The following ZDHHC2 variants were observed in gnomAD, a reference collection of about 807,000 sequenced individuals.
The protein encoded by ZDHHC2 is palmitoyltransferase ZDHHC2.
ZDHHC2 carries 51 observed loss-of-function variants against 55.6 expected under a neutral mutation model. The ratio of observed to expected loss-of-function variants is 0.92; its 90% CI spans 0.73 to 1.16. The LOEUF (loss-of-function observed/expected upper bound fraction) is 1.16. Ranked by LOEUF, ZDHHC2 falls within the 50% of genes most tolerant of loss-of-function variation. The pLI, the probability that ZDHHC2 is intolerant of heterozygous loss-of-function variation, is 0.00. For missense variants in ZDHHC2, 491 were observed against 442.4 expected (o/e 1.11, Z -0.99); for synonymous variants, 199 against 152.9 (o/e 1.30, Z -2.22).
chr8:17,207,763 AT>A (rs1807174313), intron 7 of ZDHHC2, among the ~76,000 whole-genome samples, 196 bp from the exon 8 acceptor site: 1 of 152,190 alleles, frequency 6.6e-6, no homozygotes, highest in East Asian at 1.9e-4. Flanking sequence ...TTTCATATAT[AT>A]TCATATTCTC....
chr8:17,163,668 A>G (rs201540113), intron 1 of ZDHHC2, among the ~76,000 whole-genome samples: 8 of 152,134 alleles, frequency 5.3e-5, no homozygotes, highest in Non-Finnish European at 1.2e-4. Context: ...TGGTGTATTC[A>G]TGGGTCCCCT....
At position 17,156,618 on chromosome 8, in the gene ZDHHC2, C is replaced by A; in HGVS notation, c.-106C>A. Reference sequence around the variant, plus strand: ...CGGCAGTGGCCGCAGCGCACCCCGCCGCCGCCCAGGAGCCCGTCCAGCCAG... The same window carrying A: ...CGGCAGTGGCCGCAGCGCACCCCGCAGCCGCCCAGGAGCCCGTCCAGCCAG... On this transcript the variant is annotated 5_prime_UTR_variant, in exon 1 of 13. Transcript: ENST00000262096. 6.5e-6 allele frequency: 6 copies of A among 930,138 alleles called. No homozygotes were observed. Among genetic ancestry groups the A allele is most frequent in the Non-Finnish European group, 7.8e-6 (6 of 765,176 alleles). 57.6% of individuals were successfully genotyped at this position (930,138 alleles called of 1,614,324 possible).
Position 17,193,143 on chromosome 8 carries a change from T to G in ZDHHC2, c.253-2361T>G, listed in dbSNP as rs570890458. On this transcript the variant is annotated intron_variant, in intron 3 of 12. Coordinates refer to ENST00000262096, the MANE Select transcript of ZDHHC2 (RefSeq NM_016353.5). The stretch of plus-strand genomic sequence containing the variant: ...TTTTTACTCAGGATAGTTTTGGCTA[T>G]TCTGGGTCTTTTGTGATTCCATATA... Among the ~76,000 whole-genome samples the G allele has an allele frequency of 3.9e-5, 6 of 152,346 alleles. No homozygotes were observed. The East Asian group carries it at 1.2e-3, about 29-fold the overall frequency.
At chr8:17,187,948 A>G (rs1805801350) in intron 3 of ZDHHC2, among the ~76,000 whole-genome samples, 1 of 152,192 alleles carries the variant, frequency 6.6e-6, no homozygotes, top group African/African-American at 2.4e-5. Flanking sequence ...TTCTTATGTC[A>G]GTTAATGGGC....
intron 1 of ZDHHC2, among the ~76,000 whole-genome samples, chr8:17,174,622 C>T (rs1418357194): frequency 1.3e-5 from 2 of 151,928 alleles, no homozygotes; most frequent in African/African-American, 2.4e-5. Context: ...TGGGTCATAA[C>T]CTACCCTTAA....
chr8:17,156,778 T>TA lies in ZDHHC2; in HGVS notation c.56dup (p.Tyr19Ter). ...SARRRCRRVL[Y>*]WIPVVFITLL... The stretch of plus-strand genomic sequence containing the variant: ...CAGGCGGCGGTGCCGGCGGGTGCTG[T>TA]ACTGGATCCCGGTGGTGTTCATCAC... The change falls in exon 1 of 13, where the codon TAC becomes TAAC. Residue 19 changes from tyrosine to a stop codon, truncating the protein, a stop_gained and frameshift_variant. Transcript: ENST00000262096. LOFTEE classifies it high-confidence loss of function. 1 of 1,518,784 alleles carries TA rather than the reference T, an allele frequency of 6.6e-7. No homozygotes were observed. The highest frequency in any genetic ancestry group is 8.8e-7 in the Non-Finnish European group (1 of 1,132,234). 94.1% of individuals were successfully genotyped at this position (1,518,784 alleles called of 1,614,324 possible). A position where few individuals can be genotyped will look rare whatever the true frequency, so the allele number is the denominator to read the frequency against.
chr8:17,200,130 C>T (rs1444082979), intron 6 of ZDHHC2, among the ~76,000 whole-genome samples: 1 of 152,154 alleles, frequency 6.6e-6, no homozygotes, highest in African/African-American at 2.4e-5. Flanking sequence ...CCTGTATCCC[C>T]ATGACCCACC....
chr8:17,157,649 A>T (rs146030533), intron 1 of ZDHHC2: 1 of 152,236 alleles, frequency 6.6e-6, no homozygotes, highest in Non-Finnish European at 1.5e-5. Context: ...AGGGAGTACA[A>T]TGATGTCGCT....
In ZDHHC2 at chr8:17,195,543, G is replaced by C; in HGVS notation, c.292G>C (p.Glu98Gln). The change falls in exon 4 of 13, where the codon GAG becomes CAG. Residue 98 changes from glutamate (E) to glutamine (Q), a missense_variant. Physicochemically the swap from Glu to Gln is conservative, Grantham distance 29. Transcript: ENST00000262096. ...TGCAGAGAAAGATTTGTTGGAGAGA[G>C]AGCCAAGAGGAGAAGCCCATCAGGA... The part of the protein sequence containing the change: ...SYAEKDLLER[E>Q]PRGEAHQEVL... 1.2e-6 allele frequency: 2 copies of C among 1,613,866 alleles called. No homozygotes were observed. The highest frequency in any genetic ancestry group is 1.7e-6 in the Non-Finnish European group (2 of 1,179,808).
intron 4 of ZDHHC2, among the ~76,000 whole-genome samples, chr8:17,196,963 T>C (rs1427664514): frequency 6.6e-6 from 1 of 152,216 alleles, no homozygotes; most frequent in African/African-American, 2.4e-5. Context: ...TGACTCACTT[T>C]AGAATCATAA....
intron 2 of ZDHHC2, among the ~76,000 whole-genome samples, chr8:17,185,340 T>G (rs1483954420): frequency 6.6e-6 from 1 of 152,126 alleles, no homozygotes; most frequent in African/African-American, 2.4e-5. Flanking sequence ...GAAGGAAGCA[T>G]TATCACCATA....
At chr8:17,188,930 C>G (rs73546436) in intron 3 of ZDHHC2, among the ~76,000 whole-genome samples, 3,006 of 152,152 alleles carry the variant, frequency 0.02, 110 homozygotes, top group African/African-American at 0.068. Context: ...TACTCTTTTT[C>G]TCTCGGACGC....
chr8:17,174,881 T>C (rs1805052484), intron 1 of ZDHHC2, among the ~76,000 whole-genome samples: 1 of 151,598 alleles, frequency 6.6e-6, no homozygotes, highest in African/African-American at 2.4e-5. Flanking sequence ...CAGCTAATTG[T>C]GGGGTTTTTT....
intron 3 of ZDHHC2, among the ~76,000 whole-genome samples, chr8:17,188,250 A>G (rs574287820): frequency 6.6e-6 from 1 of 152,230 alleles, no homozygotes; most frequent in African/African-American, 2.4e-5. Context: ...ACAAAACTTC[A>G]TCCAATACCC....
intron 3 of ZDHHC2, among the ~76,000 whole-genome samples, chr8:17,188,636 CATTT>C (rs890765407): frequency 6.6e-6 from 1 of 152,162 alleles, no homozygotes; most frequent in Non-Finnish European, 1.5e-5. Context: ...TATATACCTG[CATTT>C]ATTCCCTCGT....
intron 5 of ZDHHC2, among the ~76,000 whole-genome samples, chr8:17,198,078 G>A (rs993895882): frequency 1.3e-5 from 2 of 152,168 alleles, no homozygotes; most frequent in African/African-American, 4.8e-5. Context: ...ATCCGTTGCA[G>A]TTTTGTTCTT....
intron 6 of ZDHHC2, among the ~76,000 whole-genome samples, chr8:17,202,225 C>G (rs1032145671): frequency 6.6e-6 from 1 of 152,126 alleles, no homozygotes; most frequent in African/African-American, 2.4e-5. Context: ...TTGTTTGTCT[C>G]ATTTTATTTT....
At chr8:17,188,376 G>T (rs201713480) in intron 3 of ZDHHC2, among the ~76,000 whole-genome samples, 1 of 140,536 alleles carries the variant, frequency 7.1e-6, no homozygotes, top group Non-Finnish European at 1.6e-5. Context: ...CCTAGCAATA[G>T]CAGCTCTTGT....
intron 3 of ZDHHC2, among the ~76,000 whole-genome samples, chr8:17,188,523 A>G (rs981222022): frequency 6.6e-6 from 1 of 152,124 alleles, no homozygotes; most frequent in Non-Finnish European, 1.5e-5. Context: ...TTTTCCATTC[A>G]TACTGGCAGC....
Sources: allele counts gnomAD v4.1 joint callset (sites outside exome capture counted in the v4.1 genomes callset), GRCh38; gene constraint gnomAD v4.1.1; transcripts MANE v1.5; gene names NCBI Gene and HGNC (gene_info 2026-07-23, HGNC 2026-07-21).